NAV3: variants seen among roughly 807,000 people sequenced by gnomAD.
NAV3 encodes the protein neuron navigator 3.
In NAV3, 87 loss-of-function variants were observed where a neutral mutation model predicts 244.7. The observed-to-expected ratio is 0.36, with a 90% CI of 0.30 to 0.42. NAV3 has a LOEUF of 0.42. Among genes scored for constraint, NAV3 ranks in the 20% least tolerant of loss-of-function variants. The pLI is 1.00. For missense variants in NAV3, 2,663 were observed against 2,893.3 expected (o/e 0.92, Z 1.83); for synonymous variants, 1,126 against 1,042.2 (o/e 1.08, Z -1.55).
At chr12:77,644,124 G>A (rs1194251325) in intron 2 of NAV3, among the ~76,000 whole-genome samples, 3 of 152,106 alleles carry the variant, frequency 2.0e-5, no homozygotes, top group Non-Finnish European at 4.4e-5. Context: ...CAATGTAAAA[G>A]AAAGTAGAAC....
At chr12:77,830,749 A>G (rs566583679), upstream of NAV3, among the ~76,000 whole-genome samples, 240 of 152,350 alleles carry the variant, frequency 1.6e-3, 1 homozygote, top group African/African-American at 5.5e-3. Context: ...TCAGACAAAC[A>G]ACTTTATTGC....
intron 1 of NAV3, among the ~76,000 whole-genome samples, chr12:77,900,736 G>C (rs978097013): frequency 6.6e-6 from 1 of 152,230 alleles, no homozygotes; most frequent in Non-Finnish European, 1.5e-5. Context: ...AACCAGTAAT[G>C]AGATTGCTGG....
chr12:78,064,430 C>CTGTCTGTCTGTCTGTCTGT (rs1566082262), intron 12 of NAV3, among the ~76,000 whole-genome samples: 1 of 93,314 alleles, frequency 1.1e-5, no homozygotes, highest in African/African-American at 4.5e-5. Flanking sequence ...TGTCTGTCTG[C>CTGTCTGTCTGTCTGTCTGT]CTGCCTGCCT....
chr12:78,021,905 C>T (rs369979252), intron 9 of NAV3, 43 bp downstream of exon 9: 129 of 1,256,342 alleles, frequency 1.0e-4, no homozygotes, highest in East Asian at 4.0e-4. Flanking sequence ...TAGGAATTTC[C>T]GTATTCTCTC....
At chr12:77,737,428 G>A (rs535649988) in intron 2 of NAV3, among the ~76,000 whole-genome samples, 7 of 151,884 alleles carry the variant, frequency 4.6e-5, no homozygotes, top group South Asian at 2.1e-4. Flanking sequence ...GGAAGCAAGC[G>A]TACTTGGAAC....
At chr12:78,062,162 A>T (rs1884416390) in intron 12 of NAV3, among the ~76,000 whole-genome samples, 1 of 152,182 alleles carries the variant, frequency 6.6e-6, no homozygotes, top group South Asian at 2.1e-4. Context: ...AGTTAAATGT[A>T]GAATAATATC....
At chr12:77,821,308 C>A (rs1369049805) in intron 2 of NAV3, among the ~76,000 whole-genome samples, 1 of 152,144 alleles carries the variant, frequency 6.6e-6, no homozygotes, top group Admixed American at 6.5e-5. Context: ...TACTTTAACT[C>A]ATTACTTAGA....
intron 2 of NAV3, among the ~76,000 whole-genome samples, chr12:77,734,736 C>A (rs1306285630): frequency 6.6e-6 from 1 of 152,116 alleles, no homozygotes; most frequent in African/African-American, 2.4e-5. Context: ...GGACACTGCA[C>A]AACCCCAAGC....
intron 12 of NAV3, among the ~76,000 whole-genome samples, chr12:78,068,679 GT>G (rs1234148629): frequency 1.4e-5 from 2 of 147,730 alleles, no homozygotes; most frequent in East Asian, 3.9e-4. Context: ...TATAATGGAT[GT>G]AATATATATA....
intron 1 of NAV3, among the ~76,000 whole-genome samples, chr12:77,875,768 A>G (rs1881763451): frequency 6.6e-6 from 1 of 152,052 alleles, no homozygotes; most frequent in African/African-American, 2.4e-5. Context: ...ATTAGTCTCT[A>G]ATGTGCTTTT....
chr12:77,996,740 G>A (rs11107753), intron 6 of NAV3, among the ~76,000 whole-genome samples: 17,527 of 151,868 alleles, frequency 0.12, 1,188 homozygotes, highest in South Asian at 0.15. Context: ...TTGGTATATC[G>A]GATACTAATA....
intron 2 of NAV3, among the ~76,000 whole-genome samples, chr12:77,657,105 T>G (rs1339394342): frequency 6.6e-6 from 1 of 151,832 alleles, no homozygotes; most frequent in Non-Finnish European, 1.5e-5. Context: ...ATAACTAAAA[T>G]CAGAGCAGAA....
At chr12:77,969,418 A>T (rs1892806935) in intron 5 of NAV3, among the ~76,000 whole-genome samples, 1 of 152,316 alleles carries the variant, frequency 6.6e-6, no homozygotes, top group South Asian at 2.1e-4. Context: ...ATGATTGAGC[A>T]TACTGGTTAG....
intron 38 of NAV3, among the ~76,000 whole-genome samples, chr12:78,203,120 A>G (rs1959906138): frequency 6.6e-6 from 1 of 152,068 alleles, no homozygotes; most frequent in Admixed American, 6.6e-5. Context: ...TTAACTAGTC[A>G]GCTATCAATT....
intron 24 of NAV3, among the ~76,000 whole-genome samples, chr12:78,173,993 T>C (rs1397737348): frequency 6.6e-6 from 1 of 151,730 alleles, no homozygotes; most frequent in Admixed American, 6.6e-5. Context: ...ATTCAGTAAA[T>C]CAGTCAATTG....
At chr12:77,751,194 C>CA (rs1868834584) in intron 2 of NAV3, among the ~76,000 whole-genome samples, 1 of 152,124 alleles carries the variant, frequency 6.6e-6, no homozygotes, top group Non-Finnish European at 1.5e-5. Flanking sequence ...ATAAAAGGCA[C>CA]AAAAAAGTTG....
At chr12:78,175,143 G>C (rs1008078776) in intron 24 of NAV3, among the ~76,000 whole-genome samples, 163 bp from the exon 25 acceptor site, 1 of 151,832 alleles carries the variant, frequency 6.6e-6, no homozygotes, top group Non-Finnish European at 1.5e-5. Flanking sequence ...AACAAATATG[G>C]TTGTACTTTA....
chr12:77,897,486 G>A (rs1341153208), intron 1 of NAV3, among the ~76,000 whole-genome samples: 1 of 152,036 alleles, frequency 6.6e-6, no homozygotes, highest in Non-Finnish European at 1.5e-5. Flanking sequence ...CTATATCCAT[G>A]AACAAAGAGG....
chr12:77,912,155 A>G (rs1228926224), intron 1 of NAV3, among the ~76,000 whole-genome samples: 1 of 152,144 alleles, frequency 6.6e-6, no homozygotes, highest in Non-Finnish European at 1.5e-5. Flanking sequence ...TTCTAACTCC[A>G]TCACCACCTG....
Sources: allele counts gnomAD v4.1 joint callset (sites outside exome capture counted in the v4.1 genomes callset), GRCh38; gene constraint gnomAD v4.1.1; transcripts MANE v1.5; gene names NCBI Gene and HGNC (gene_info 2026-07-23, HGNC 2026-07-21).